Variants in ZNF704 observed in about 807,000 individuals in gnomAD.
The protein encoded by ZNF704 is glucocorticoid induced gene 1.
A neutral mutation model predicts 44.7 loss-of-function variants in ZNF704; 10 were observed. That is an observed-to-expected ratio of 0.22 (90% CI 0.14 to 0.38). ZNF704 has a LOEUF of 0.38. ZNF704 is among the 10% of genes least tolerant of loss of function. The pLI is 1.00. For missense variants in ZNF704, 390 were observed against 545.5 expected (o/e 0.71, Z 2.84); for synonymous variants, 211 against 207.6 (o/e 1.02, Z -0.14).
chr8:80,830,753 C>CTTTCTTTTTTTTT (rs1554585536), intron 1 of ZNF704, among the ~76,000 whole-genome samples: 3 of 89,120 alleles, frequency 3.4e-5, no homozygotes, highest in African/African-American at 4.7e-5. Context: ...GTGTTTCTTT[C>CTTTCTTTTTTTTT]TTTTTTTTTT....
intron 1 of ZNF704, among the ~76,000 whole-genome samples, chr8:80,837,951 A>T (rs1808609314): frequency 6.6e-6 from 1 of 151,840 alleles, no homozygotes; most frequent in Admixed American, 6.6e-5. Context: ...GGGGTCCCAC[A>T]CTCTCCTCAC....
At chr8:80,864,934 G>C (rs537445779) in intron 1 of ZNF704, among the ~76,000 whole-genome samples, 12 of 152,246 alleles carry the variant, frequency 7.9e-5, no homozygotes, top group African/African-American at 2.9e-4. Flanking sequence ...ACAAACTGAT[G>C]AACATAAGAG....
chr8:80,760,564 G>A (rs781253523), intron 2 of ZNF704, among the ~76,000 whole-genome samples: 7 of 149,666 alleles, frequency 4.7e-5, no homozygotes, highest in Non-Finnish European at 8.9e-5. Context: ...GCTGAGGCAG[G>A]AGAATTGCTT....
chr8:80,843,347 T>A (rs1166492224), intron 1 of ZNF704, among the ~76,000 whole-genome samples: 3 of 152,204 alleles, frequency 2.0e-5, no homozygotes, highest in Admixed American at 1.3e-4. Context: ...ACAGTACTTA[T>A]CATAAGACCA....
At chr8:80,687,198 G>A in intron 4 of ZNF704, 28 bp downstream of exon 4, 1 of 1,592,772 alleles carries the variant, frequency 6.3e-7, no homozygotes, top group Non-Finnish European at 8.6e-7. Flanking sequence ...GAAACTGAAT[G>A]CAGAAGACCG....
intron 2 of ZNF704, among the ~76,000 whole-genome samples, chr8:80,777,695 A>G (rs1236933733): frequency 1.3e-5 from 2 of 152,116 alleles, no homozygotes; most frequent in Non-Finnish European, 2.9e-5. Flanking sequence ...CCTGACCAAC[A>G]TGGCAAAATC....
intron 2 of ZNF704, among the ~76,000 whole-genome samples, chr8:80,814,770 C>G (rs968263209): frequency 1.3e-5 from 2 of 151,932 alleles, no homozygotes; most frequent in African/African-American, 2.4e-5. Flanking sequence ...TCAGTAGTCT[C>G]ATACTGGTTA....
intron 2 of ZNF704, among the ~76,000 whole-genome samples, chr8:80,793,627 G>T (rs1040492179): frequency 1.3e-5 from 2 of 151,690 alleles, no homozygotes; most frequent in Non-Finnish European, 2.9e-5. Flanking sequence ...TAAACCAAAC[G>T]GCTGGTTTAT....
chr8:80,667,098 G>C (rs1358878250), intron 5 of ZNF704, among the ~76,000 whole-genome samples: 1 of 152,178 alleles, frequency 6.6e-6, no homozygotes, highest in Non-Finnish European at 1.5e-5. Flanking sequence ...CCCGCAGTGA[G>C]AACACACCAG....
intron 3 of ZNF704, among the ~76,000 whole-genome samples, chr8:80,688,672 A>G (rs964370837): frequency 6.6e-6 from 1 of 152,222 alleles, no homozygotes; most frequent in African/African-American, 2.4e-5. Context: ...TAAGATTGCT[A>G]TTGGCTATTA....
At chr8:80,781,336 A>G (rs1157436873) in intron 2 of ZNF704, among the ~76,000 whole-genome samples, 1 of 152,354 alleles carries the variant, frequency 6.6e-6, no homozygotes, top group East Asian at 1.9e-4. Context: ...CAGCTACTCA[A>G]TTCTGCTACT....
rs1292829415 is a variant in ZNF704, at chr8:80,641,671, C to A, written c.1128-194G>T. ...TCACCAGAGGTCAGGAGTTTGAGAC[C>A]AGCCTGTCAACATGGTGAAACTCTG... On this transcript the variant is annotated intron_variant, in intron 8 of 8. Transcript: ENST00000327835. Among the ~76,000 whole-genome samples, 4 of 152,004 alleles carry A rather than the reference C, an allele frequency of 2.6e-5. No individual in the cohort carries two copies. The East Asian group carries it at 5.8e-4, about 22-fold the overall frequency.
chr8:80,714,401 C>T (rs1444582950), intron 2 of ZNF704, among the ~76,000 whole-genome samples: 10 of 152,112 alleles, frequency 6.6e-5, no homozygotes, highest in Admixed American at 4.6e-4. Context: ...GACTCTTTTT[C>T]GAAAGTTCAT....
At chr8:80,793,383 G>A (rs760495056) in intron 2 of ZNF704, among the ~76,000 whole-genome samples, 13 of 151,950 alleles carry the variant, frequency 8.6e-5, no homozygotes, top group Non-Finnish European at 1.8e-4. Context: ...AGATGGGAGA[G>A]ATAAACCCCA....
At chr8:80,799,009 C>T (rs1304735932) in intron 2 of ZNF704, among the ~76,000 whole-genome samples, 1 of 152,118 alleles carries the variant, frequency 6.6e-6, no homozygotes, top group Non-Finnish European at 1.5e-5. Flanking sequence ...GGTCTGTCTT[C>T]CTCTCCTTAT....
chr8:80,709,794 C>T, intron 2 of ZNF704, among the ~76,000 whole-genome samples: 1 of 152,066 alleles, frequency 6.6e-6, no homozygotes, highest in East Asian at 1.9e-4. Context: ...GAGGAGCAGC[C>T]CCAGGGAGGA....
intron 6 of ZNF704, among the ~76,000 whole-genome samples, chr8:80,661,305 G>A (rs915253322): frequency 1.3e-5 from 2 of 152,224 alleles, no homozygotes; most frequent in Non-Finnish European, 2.9e-5. Context: ...AGATGCTGGT[G>A]AGGAAGCAGA....
At chr8:80,700,563 G>A (rs1818793218) in intron 2 of ZNF704, among the ~76,000 whole-genome samples, 1 of 152,104 alleles carries the variant, frequency 6.6e-6, no homozygotes, top group African/African-American at 2.4e-5. Context: ...CGATTCTCAG[G>A]TTAAAAACCT....
rs1817684096 is a variant in ZNF704, at chr8:80,637,698, G to A, written c.*3668C>T. 1 of 152,158 alleles carries A rather than the reference G, an allele frequency of 6.6e-6. No individual in the cohort carries two copies. Among genetic ancestry groups the A allele is most frequent in the Non-Finnish European group, 1.5e-5 (1 of 68,022 alleles). The allele number at this position is 152,158 out of a possible 1,614,324, so 9.4% of individuals were successfully genotyped here. A position where few individuals can be genotyped will look rare whatever the true frequency, so the allele number is the denominator to read the frequency against. ...CTGCAATATGGTTATGTTCGGGCAG[G>A]AATTGTCTAATAAAAGGGCACCTTG... On this transcript the variant is annotated 3_prime_UTR_variant, in exon 9 of 9. Transcript: ENST00000327835.
Sources: allele counts gnomAD v4.1 joint callset (sites outside exome capture counted in the v4.1 genomes callset), GRCh38; gene constraint gnomAD v4.1.1; transcripts MANE v1.5; gene names NCBI Gene and HGNC (gene_info 2026-07-23, HGNC 2026-07-21).